MTMR9: variants seen among roughly 807,000 people sequenced by gnomAD.
The protein encoded by MTMR9 is myotubularin related protein 9, also known as myotubularin-related protein 9.
Under a neutral mutation model 69.5 loss-of-function variants are expected in MTMR9, and 39 were observed. The observed-to-expected ratio is 0.56, with a 90% CI of 0.43 to 0.73. MTMR9 has a LOEUF of 0.73. Ranked by LOEUF, MTMR9 falls within the 30% of genes least tolerant of loss-of-function variation. MTMR9 has a pLI of 0.00. For synonymous variants in MTMR9, 354 were observed against 240.8 expected, an observed-to-expected ratio of 1.47 and a Z score of -4.35; for missense variants, 900 against 671.2, an observed-to-expected ratio of 1.34 and a Z score of -3.77.
intron 1 of MTMR9, among the ~76,000 whole-genome samples, chr8:11,287,962 T>A (rs1460846547): frequency 8.0e-6 from 1 of 124,258 alleles, no homozygotes; most frequent in African/African-American, 3.0e-5. Flanking sequence ...TATTATATAC[T>A]ATGTATTATA....
In MTMR9 at chr8:11,322,906, C is replaced by T; in HGVS notation, c.*118C>T. On this transcript the variant is annotated 3_prime_UTR_variant, in exon 10 of 10. Transcript: ENST00000221086. Reference sequence around the variant, plus strand: ...TGAAGTGAAGGCTTTAGATGTGGGACCCCCCTAATGTAATGGATTTCTCAA... The same window carrying T: ...TGAAGTGAAGGCTTTAGATGTGGGATCCCCCTAATGTAATGGATTTCTCAA... 1 of 823,450 alleles carries T rather than the reference C, an allele frequency of 1.2e-6. No individual in the cohort carries two copies. The highest frequency in any genetic ancestry group is 1.9e-6 in the Non-Finnish European group (1 of 529,914). The allele number at this position is 823,450 out of a possible 1,614,324, so 51.0% of individuals were successfully genotyped here.
chr8:11,287,735 ATAT>A (rs1252151744), intron 1 of MTMR9, among the ~76,000 whole-genome samples: 15 of 134,088 alleles, frequency 1.1e-4, no homozygotes, highest in South Asian at 2.2e-4. Flanking sequence ...TATATATTAT[ATAT>A]TATTTTCTTA....
chr8:11,293,540 C>T (rs10108740), intron 1 of MTMR9, among the ~76,000 whole-genome samples: 1 of 152,068 alleles, frequency 6.6e-6, no homozygotes, highest in Middle Eastern at 3.2e-3. Context: ...TTTCAAAGAG[C>T]AGACGTTTTA....
chr8:11,302,978 T>C (rs1459199161), intron 3 of MTMR9, among the ~76,000 whole-genome samples: 2 of 151,704 alleles, frequency 1.3e-5, no homozygotes, highest in African/African-American at 4.9e-5. Flanking sequence ...CTTAAACAAA[T>C]GGAAAAGACA....
intron 1 of MTMR9, among the ~76,000 whole-genome samples, chr8:11,285,730 G>T (rs867506898): frequency 2.6e-5 from 4 of 152,054 alleles, no homozygotes; most frequent in Admixed American, 2.0e-4. Flanking sequence ...TTCCAAGGCA[G>T]TGCCTCGAAG....
chr8:11,329,731 G>A (rs1036164082), downstream of MTMR9, among the ~76,000 whole-genome samples: 1 of 152,188 alleles, frequency 6.6e-6, no homozygotes, highest in Non-Finnish European at 1.5e-5. Context: ...CTGCCCGGCC[G>A]CCACCCCGTC....
At chr8:11,332,202 G>T (rs1801264661), downstream of MTMR9, 2 of 1,509,468 alleles carry the variant, frequency 1.3e-6, no homozygotes, top group Admixed American at 2.4e-5. Flanking sequence ...AAAAATAAAA[G>T]AAAAAAAATA....
chr8:11,309,400 G>GAATACTA (rs1800099491), intron 5 of MTMR9, 127 bp from the exon 6 acceptor site: 1 of 749,714 alleles, frequency 1.3e-6, no homozygotes, highest in Non-Finnish European at 2.1e-6. Context: ...TTATAGCAGG[G>GAATACTA]TAAATATTTT....
chr8:11,286,292 G>A (rs1199634603), intron 1 of MTMR9, among the ~76,000 whole-genome samples: 1 of 151,662 alleles, frequency 6.6e-6, no homozygotes, highest in African/African-American at 2.4e-5. Flanking sequence ...AGGCAGTTTG[G>A]GTGAAGCCAT....
intron 1 of MTMR9, among the ~76,000 whole-genome samples, chr8:11,287,697 T>G (rs545761686): frequency 5.1e-4 from 69 of 135,178 alleles, no homozygotes; most frequent in Middle Eastern, 3.6e-3. Flanking sequence ...TTATGTTTAT[T>G]ATATATTATA....
chr8:11,303,686 A>T (rs968429874), intron 3 of MTMR9, among the ~76,000 whole-genome samples: 10 of 152,016 alleles, frequency 6.6e-5, no homozygotes, highest in South Asian at 2.1e-4. Flanking sequence ...AGTGTGTGCC[A>T]CTGTGCCTGG....
intron 9 of MTMR9, chr8:11,321,076 C>T (rs185440093): frequency 6.0e-6 from 1 of 165,828 alleles, no homozygotes; most frequent in Non-Finnish European, 1.3e-5. Flanking sequence ...TGTCTCTTCT[C>T]TGGATGTCAG....
At chr8:11,298,643 C>A in intron 2 of MTMR9, 2 of 584,958 alleles carry the variant, frequency 3.4e-6, no homozygotes, top group Non-Finnish European at 4.3e-6. Flanking sequence ...GGGCCTTCTC[C>A]TCCTGTCCAG....
chr8:11,308,190 C>G (rs1800044670), intron 5 of MTMR9, among the ~76,000 whole-genome samples: 1 of 152,140 alleles, frequency 6.6e-6, no homozygotes, highest in Non-Finnish European at 1.5e-5. Context: ...ATGTTTAAGT[C>G]TTTAATCTAC....
intron 5 of MTMR9, among the ~76,000 whole-genome samples, chr8:11,306,656 T>A (rs574594040): frequency 1.3e-5 from 2 of 152,342 alleles, no homozygotes; most frequent in East Asian, 1.9e-4. Flanking sequence ...ACTGATTAAG[T>A]GAATTAACCT....
chr8:11,315,962 A>T (rs555693881), intron 7 of MTMR9: 8 of 152,340 alleles, frequency 5.3e-5, no homozygotes, highest in South Asian at 2.1e-4. Flanking sequence ...CCCAGAGACA[A>T]AGCAGATCTG....
chr8:11,286,666 CAAAAAAA>C (rs869105936), intron 1 of MTMR9, among the ~76,000 whole-genome samples: 9 of 71,664 alleles, frequency 1.3e-4, no homozygotes, highest in Admixed American at 2.9e-4. Flanking sequence ...AACTCCATCT[CAAAAAAA>C]AAAAAAAAAA....
chr8:11,327,156 A>T lies in MTMR9; in HGVS notation c.*4368A>T, dbSNP rs1221363060. On this transcript the variant is annotated 3_prime_UTR_variant, in exon 10 of 10. Coordinates refer to ENST00000221086, the MANE Select transcript of MTMR9 (RefSeq NM_015458.4). ...CATCTTCCTTTAAACCAATAGTCCC[A>T]GAAGAGACCCTCTGAAATTCTAGGA... The T allele has an allele frequency of 6.6e-6, 1 of 152,194 alleles. No homozygotes were observed. Among genetic ancestry groups the T allele is most frequent in the Non-Finnish European group, 1.5e-5 (1 of 68,030 alleles). The allele number at this position is 152,194 out of a possible 1,614,324, so 9.4% of individuals were successfully genotyped here. A position where few individuals can be genotyped will look rare whatever the true frequency, so the allele number is the denominator to read the frequency against.
chr8:11,295,609 C>T (rs1039364021), intron 2 of MTMR9, among the ~76,000 whole-genome samples: 6 of 152,108 alleles, frequency 3.9e-5, no homozygotes, highest in African/African-American at 1.4e-4. Context: ...TACTGTTTCA[C>T]TTGAGTGTAT....
Sources: gnomAD v4.1 joint callset for allele counts (sites outside exome capture counted in the v4.1 genomes callset) on GRCh38, gnomAD v4.1.1 for gene constraint, MANE v1.5 for transcripts, NCBI Gene and HGNC (gene_info 2026-07-23, HGNC 2026-07-21) for gene names.